The following CLNK variants were observed in gnomAD, a reference collection of about 807,000 sequenced individuals.
CLNK encodes cytokine dependent hematopoietic cell linker.
CLNK carries 74 observed loss-of-function variants against 68.6 expected under a neutral mutation model. The ratio of observed to expected loss-of-function variants is 1.08; its 90% CI spans 0.89 to 1.31. CLNK has a LOEUF of 1.31. Among genes scored for constraint, CLNK ranks in the 50% most tolerant of loss-of-function variants. CLNK has a pLI of 0.00. For missense variants in CLNK, 553 were observed against 515.3 expected (o/e 1.07, Z -0.71); for synonymous variants, 198 against 172.2 (o/e 1.15, Z -1.17).
intron 4 of CLNK, among the ~76,000 whole-genome samples, chr4:10,576,415 G>T (rs1373007343): frequency 6.6e-6 from 1 of 152,230 alleles, no homozygotes; most frequent in African/African-American, 2.4e-5. Context: ...CAGCTCCAGA[G>T]AACAACTGAC....
At chr4:10,630,399 C>A (rs1167671422) in intron 2 of CLNK, among the ~76,000 whole-genome samples, 1 of 152,218 alleles carries the variant, frequency 6.6e-6, no homozygotes, top group Non-Finnish European at 1.5e-5. Flanking sequence ...CAGGCTCTCA[C>A]AGGCAAAGCT....
intron 11 of CLNK, among the ~76,000 whole-genome samples, chr4:10,538,281 C>A (rs1365977271): frequency 6.6e-6 from 1 of 152,144 alleles, no homozygotes; most frequent in Non-Finnish European, 1.5e-5. Context: ...AGACATACTC[C>A]ACCCCACCCA....
intron 2 of CLNK, among the ~76,000 whole-genome samples, chr4:10,603,312 A>G (rs918323042): frequency 1.3e-5 from 2 of 152,244 alleles, no homozygotes; most frequent in African/African-American, 2.4e-5. Context: ...GTATAGCACC[A>G]TCATTATAAT....
the CLNK span, among the ~76,000 whole-genome samples, chr4:10,723,919 A>ACAGAGAGAGAGAGAGCGAGGGAGAGAG: frequency 6.8e-6 from 1 of 148,032 alleles, no homozygotes; most frequent in Non-Finnish European, 1.5e-5. Flanking sequence ...AGAGAGAGAG[A>ACAGAGAGAGAGAGAGCGAGGGAGAGAG]AGGCAGGGCA....
chr4:10,730,005 C>T, the CLNK span, among the ~76,000 whole-genome samples: 2 of 152,120 alleles, frequency 1.3e-5, no homozygotes, highest in Non-Finnish European at 2.9e-5. Context: ...TGAATCAAAC[C>T]TCTAAGTTTA....
At chr4:10,515,967 C>T (rs1717817047) in intron 15 of CLNK, among the ~76,000 whole-genome samples, 1 of 152,150 alleles carries the variant, frequency 6.6e-6, no homozygotes, top group South Asian at 2.1e-4. Context: ...CTTTAAGATG[C>T]TACCACTTGT....
chr4:10,709,232 T>C, the CLNK span, among the ~76,000 whole-genome samples: 1 of 152,340 alleles, frequency 6.6e-6, no homozygotes, highest in African/African-American at 2.4e-5. Flanking sequence ...GAATGTACTT[T>C]ACATAGACTA....
At chr4:10,627,230 G>A (rs1438177385) in intron 2 of CLNK, among the ~76,000 whole-genome samples, 2 of 152,164 alleles carry the variant, frequency 1.3e-5, no homozygotes, top group African/African-American at 4.8e-5. Context: ...CTGTGGAGGT[G>A]GAAGGTGTCC....
At chr4:10,546,456 C>T (rs1719235335) in intron 8 of CLNK, among the ~76,000 whole-genome samples, 1 of 152,144 alleles carries the variant, frequency 6.6e-6, no homozygotes, top group Admixed American at 6.5e-5. Flanking sequence ...GTCTTTATTC[C>T]AGTTTTCAAT....
intron 8 of CLNK, among the ~76,000 whole-genome samples, chr4:10,555,773 C>A (rs934360715): frequency 1.3e-5 from 2 of 152,170 alleles, no homozygotes; most frequent in Non-Finnish European, 2.9e-5. Context: ...GTGTTTGCAT[C>A]AAAAATACAG....
chr4:10,701,356 C>G, the CLNK span, among the ~76,000 whole-genome samples: 2 of 152,188 alleles, frequency 1.3e-5, no homozygotes, highest in East Asian at 3.9e-4. Context: ...TGTGTCCTGA[C>G]CCCCCTTTAT....
intron 2 of CLNK, among the ~76,000 whole-genome samples, chr4:10,650,857 A>T (rs560789980): frequency 6.6e-6 from 1 of 152,342 alleles, no homozygotes; most frequent in South Asian, 2.1e-4. Context: ...TTACAAGAAA[A>T]AAAAACAAAC....
the CLNK span, among the ~76,000 whole-genome samples, chr4:10,734,108 AT>A: frequency 1.2e-3 from 182 of 152,170 alleles, 4 homozygotes; most frequent in East Asian, 0.032. Context: ...TCATTATCTC[AT>A]TTTTTTCCCT....
At chr4:10,714,067 A>G in the CLNK span, among the ~76,000 whole-genome samples, 1 of 152,104 alleles carries the variant, frequency 6.6e-6, no homozygotes, top group Admixed American at 6.5e-5. Flanking sequence ...ACAGGCAGAT[A>G]TTGTTGGGGA....
chr4:10,540,423 G>T, intron 11 of CLNK, 71 bp downstream of exon 11: 2 of 1,174,892 alleles, frequency 1.7e-6, no homozygotes, highest in Non-Finnish European at 2.6e-6. Context: ...ACTTTGTTTG[G>T]TTTCCCTTGT....
intron 2 of CLNK, among the ~76,000 whole-genome samples, chr4:10,658,468 TG>T (rs34541438): frequency 1.3e-5 from 2 of 152,198 alleles, no homozygotes; most frequent in Non-Finnish European, 2.9e-5. Context: ...GGTTCTCAGC[TG>T]GGGGGTTTCC....
chr4:10,729,553 C>T, the CLNK span, among the ~76,000 whole-genome samples: 2 of 152,156 alleles, frequency 1.3e-5, no homozygotes, highest in African/African-American at 2.4e-5. Flanking sequence ...CACACTCACC[C>T]ACACCCACAC....
intron 3 of CLNK, 58 bp from the exon 4 acceptor site, chr4:10,585,013 C>G: frequency 6.3e-7 from 1 of 1,581,750 alleles, no homozygotes; most frequent in Admixed American, 1.7e-5. Context: ...ACCGACCCCC[C>G]GCCACATAGG....
chr4:10,552,940 G>A (rs1338583969), intron 8 of CLNK, among the ~76,000 whole-genome samples: 1 of 151,946 alleles, frequency 6.6e-6, no homozygotes, highest in Non-Finnish European at 1.5e-5. Context: ...ATTATTAATG[G>A]CCTTTTCTTC....
Sources: gnomAD v4.1 joint callset for allele counts (sites outside exome capture counted in the v4.1 genomes callset) on GRCh38, gnomAD v4.1.1 for gene constraint, MANE v1.5 for transcripts, NCBI Gene and HGNC (gene_info 2026-07-23, HGNC 2026-07-21) for gene names.